The following PDZRN4 variants were observed in gnomAD, a reference collection of about 807,000 sequenced individuals.
PDZRN4 encodes PDZ domain-containing RING finger protein 4.
Under a neutral mutation model 99.0 loss-of-function variants are expected in PDZRN4, and 70 were observed. The observed-to-expected ratio is 0.71, with a 90% CI of 0.58 to 0.86. PDZRN4 has a LOEUF of 0.86. PDZRN4 is among the 40% of genes least tolerant of loss of function. The pLI, the probability that PDZRN4 is intolerant of heterozygous loss-of-function variation, is 0.00. For missense variants in PDZRN4, 1,474 were observed against 1,331.2 expected (o/e 1.11, Z -1.67); for synonymous variants, 551 against 501.6 (o/e 1.10, Z -1.32).
intron 3 of PDZRN4, among the ~76,000 whole-genome samples, chr12:41,447,231 C>T (rs1015546350): frequency 2.6e-4 from 40 of 152,234 alleles, no homozygotes; most frequent in East Asian, 2.5e-3. Context: ...TTGCCATTTG[C>T]TCAAGTATGC....
intron 5 of PDZRN4, among the ~76,000 whole-genome samples, chr12:41,536,888 A>G (rs1938758148): frequency 6.6e-6 from 1 of 152,134 alleles, no homozygotes; most frequent in Non-Finnish European, 1.5e-5. Context: ...AAGAAGCATC[A>G]TTAGCTGTTT....
intron 3 of PDZRN4, among the ~76,000 whole-genome samples, chr12:41,369,824 C>A (rs1952027835): frequency 6.6e-6 from 1 of 151,696 alleles, no homozygotes; most frequent in South Asian, 2.1e-4. Flanking sequence ...TTTTTATTTG[C>A]CCTGTTCTAG....
intron 3 of PDZRN4, among the ~76,000 whole-genome samples, chr12:41,347,279 T>C (rs923895513): frequency 1.3e-5 from 2 of 152,148 alleles, no homozygotes; most frequent in Non-Finnish European, 2.9e-5. Context: ...TGCATTGGGA[T>C]TCTAGTTTCA....
intron 3 of PDZRN4, among the ~76,000 whole-genome samples, chr12:41,244,405 T>A (rs1314317259): frequency 6.6e-6 from 1 of 152,212 alleles, no homozygotes; most frequent in Non-Finnish European, 1.5e-5. Context: ...TCAAATCATG[T>A]TACTCCTCTG....
chr12:41,564,317 A>G (rs763933009), intron 8 of PDZRN4, among the ~76,000 whole-genome samples: 1 of 152,162 alleles, frequency 6.6e-6, no homozygotes, highest in East Asian at 1.9e-4. Flanking sequence ...TTAGATCTTT[A>G]TGGAAGAAGA....
intron 3 of PDZRN4, among the ~76,000 whole-genome samples, chr12:41,309,701 A>T (rs1951594067): frequency 6.6e-6 from 1 of 152,182 alleles, no homozygotes; most frequent in South Asian, 2.1e-4. Context: ...TAAATAAATA[A>T]GAAAAAGTTA....
At chr12:41,383,698 G>T (rs989656806) in intron 3 of PDZRN4, among the ~76,000 whole-genome samples, 2 of 152,050 alleles carry the variant, frequency 1.3e-5, no homozygotes, top group Non-Finnish European at 2.9e-5. Context: ...ATAGATAAAT[G>T]TTTCCCCATA....
At chr12:41,194,619 C>A (rs1446858569) in intron 3 of PDZRN4, among the ~76,000 whole-genome samples, 1 of 152,142 alleles carries the variant, frequency 6.6e-6, no homozygotes, top group East Asian at 1.9e-4. Context: ...TGCTCTCTAG[C>A]CTAGGCAACA....
chr12:41,364,939 T>C (rs534012685), intron 3 of PDZRN4, among the ~76,000 whole-genome samples: 1 of 152,118 alleles, frequency 6.6e-6, no homozygotes, highest in African/African-American at 2.4e-5. Flanking sequence ...ATCCTGGATG[T>C]TAACATGCAT....
At chr12:41,394,613 G>A (rs1205383289) in intron 3 of PDZRN4, among the ~76,000 whole-genome samples, 3 of 152,280 alleles carry the variant, frequency 2.0e-5, no homozygotes, top group East Asian at 3.9e-4. Context: ...CGCATCTGAA[G>A]ATTCTACTGG....
In PDZRN4 at chr12:41,410,429, C is replaced by T. The variant is rs528179167; in HGVS notation, c.844-96027C>T. Among the ~76,000 whole-genome samples, 60 of 152,262 alleles carry T rather than the reference C, an allele frequency of 3.9e-4. No individual in the cohort carries two copies. The Middle Eastern group carries it at 0.01, about 26-fold the overall frequency. ...GCATAAGTCTGCCTTTAAATATAAG[C>T]TGCAACTAAGACTTCCTTATCATAG... On this transcript the variant is annotated intron_variant, in intron 3 of 9. Coordinates refer to ENST00000402685, the MANE Select transcript of PDZRN4 (RefSeq NM_001164595.2).
At chr12:41,287,301 T>G (rs1485075716) in intron 3 of PDZRN4, among the ~76,000 whole-genome samples, 3 of 152,190 alleles carry the variant, frequency 2.0e-5, no homozygotes, top group African/African-American at 7.2e-5. Context: ...GATTTCTAAC[T>G]TGTAAAATGA....
intron 3 of PDZRN4, among the ~76,000 whole-genome samples, chr12:41,257,284 G>T (rs1440582250): frequency 6.6e-6 from 1 of 152,196 alleles, no homozygotes; most frequent in Non-Finnish European, 1.5e-5. Context: ...CCTCTTCCAG[G>T]TTGCAGATTG....
intron 3 of PDZRN4, among the ~76,000 whole-genome samples, chr12:41,461,271 C>T (rs71451530): frequency 0.12 from 18,221 of 151,692 alleles, 1,164 homozygotes; most frequent in South Asian, 0.22. Context: ...CATAGGTAAA[C>T]GTGCATCATG....
intron 3 of PDZRN4, among the ~76,000 whole-genome samples, chr12:41,387,489 G>A (rs910143537): frequency 2.0e-5 from 3 of 152,144 alleles, no homozygotes; most frequent in Non-Finnish European, 4.4e-5. Context: ...AGAGGCTGAG[G>A]CAGGAGTATA....
chr12:41,439,078 C>T lies in PDZRN4; in HGVS notation c.844-67378C>T, dbSNP rs146823611. ...GATTTGCTACACATGAAACAGCCTCCTCAGTTGCAATGTTAATGCACATTT... is the reference window on the plus strand; with the variant it reads ...GATTTGCTACACATGAAACAGCCTCTTCAGTTGCAATGTTAATGCACATTT... On this transcript the variant is annotated intron_variant, in intron 3 of 9. Coordinates refer to ENST00000402685, the MANE Select transcript of PDZRN4 (RefSeq NM_001164595.2). 4.6e-5 allele frequency among the ~76,000 whole-genome samples: 7 copies of T among 152,268 alleles called. No individual in the cohort carries two copies. The East Asian group carries it at 7.7e-4, about 17-fold the overall frequency.
At chr12:41,521,741 CT>C (rs1282215066) in intron 5 of PDZRN4, among the ~76,000 whole-genome samples, 1 of 151,994 alleles carries the variant, frequency 6.6e-6, no homozygotes, top group Non-Finnish European at 1.5e-5. Context: ...TTTAAAAGGA[CT>C]GTATGCTTGT....
intron 3 of PDZRN4, among the ~76,000 whole-genome samples, chr12:41,227,997 T>C (rs1951006129): frequency 6.6e-6 from 1 of 152,022 alleles, no homozygotes; most frequent in Non-Finnish European, 1.5e-5. Context: ...TACTATTTAG[T>C]TGACTGATTA....
chr12:41,252,141 A>C (rs186150775), intron 3 of PDZRN4, among the ~76,000 whole-genome samples: 134 of 152,244 alleles, frequency 8.8e-4, no homozygotes, highest in Non-Finnish European at 1.8e-3. Context: ...TAAATAATAA[A>C]ATGAAGTAAA....
Sources: gnomAD v4.1 joint callset for allele counts (sites outside exome capture counted in the v4.1 genomes callset) on GRCh38, gnomAD v4.1.1 for gene constraint, MANE v1.5 for transcripts, NCBI Gene and HGNC (gene_info 2026-07-23, HGNC 2026-07-21) for gene names.